Variants in ATF7IP2 observed in about 807,000 individuals in gnomAD.
ATF7IP2 encodes activating transcription factor 7 interacting protein 2, also known as activating transcription factor 7-interacting protein 2.
A neutral mutation model predicts 64.2 loss-of-function variants in ATF7IP2; 42 were observed. The ratio of observed to expected loss-of-function variants is 0.65; its 90% confidence interval spans 0.51 to 0.85. ATF7IP2 has a LOEUF of 0.85. Ranked by LOEUF, ATF7IP2 falls within the 40% of genes least tolerant of loss-of-function variation. ATF7IP2 has a pLI of 0.00. For synonymous variants in ATF7IP2, 308 were observed against 272.8 expected (o/e 1.13, Z -1.27); for missense variants, 933 against 784.2 (o/e 1.19, Z -2.27).
In ATF7IP2 at chr16:10,431,120, G is replaced by T. The variant is rs772038491; in HGVS notation, c.500G>T (p.Ser167Ile). Residue 167 changes from serine (S) to isoleucine (I), a missense_variant, in exon 5 of 14, where the codon AGT (serine) becomes ATT (isoleucine). Coordinates refer to ENST00000562102, the MANE Select transcript of ATF7IP2 (RefSeq NM_001393719.1). ...GAGGGGGCTTGTAGTCTAAAGTCCA[G>T]TTGCTGTCCACCCAGTGTATTGAGT... is the stretch of plus-strand genomic sequence containing the variant. ...EHEGACSLKS[S>I]CCPPSVLSGV... is the part of the protein sequence containing the mutation. 2 of 1,614,172 alleles carry T rather than the reference G, an allele frequency of 1.2e-6. No homozygotes were observed. Among genetic ancestry groups the T allele is most frequent in the Non-Finnish European group, 1.7e-6 (2 of 1,180,018 alleles).
chr16:10,471,098 G>A (rs761195968), intron 9 of ATF7IP2, among the ~76,000 whole-genome samples: 10 of 152,052 alleles, frequency 6.6e-5, no homozygotes, highest in Non-Finnish European at 1.3e-4. Context: ...AGGAAAAGAT[G>A]TTCTTTTCAA....
intron 6 of ATF7IP2, among the ~76,000 whole-genome samples, chr16:10,436,365 A>G (rs953318448): frequency 1.3e-5 from 2 of 150,790 alleles, no homozygotes; most frequent in Middle Eastern, 3.2e-3. Flanking sequence ...CTGTCCCAAA[A>G]AATATAATAG....
intron 9 of ATF7IP2, among the ~76,000 whole-genome samples, chr16:10,470,543 G>T (rs1012226693): frequency 1.3e-5 from 2 of 152,006 alleles, no homozygotes; most frequent in African/African-American, 4.8e-5. Context: ...CAGCATCTTG[G>T]GAGGCCAGGG....
chr16:10,440,848 C>G (rs572562748), intron 8 of ATF7IP2, among the ~76,000 whole-genome samples: 5 of 152,156 alleles, frequency 3.3e-5, no homozygotes, highest in Non-Finnish European at 7.4e-5. Context: ...TTTGTCAGAC[C>G]CATCAACCTG....
chr16:10,474,001 T>C lies in ATF7IP2; in HGVS notation c.1549+12T>C. ...CAACTGCAATACAGGTAAAAGGATTTTTTAGATCTTTCTTTTGTAAAAAGG... is the reference window on the plus strand; with the variant it reads ...CAACTGCAATACAGGTAAAAGGATTCTTTAGATCTTTCTTTTGTAAAAAGG... On this transcript the variant is annotated intron_variant, in intron 12 of 13. Transcript: ENST00000562102. 1 of 1,545,780 alleles carries C rather than the reference T, an allele frequency of 6.5e-7. No homozygotes were observed. The highest frequency in any genetic ancestry group is 8.9e-7 in the Non-Finnish European group (1 of 1,128,312).
At chr16:10,463,140 T>G (rs763373019) in intron 9 of ATF7IP2, among the ~76,000 whole-genome samples, 1 of 152,220 alleles carries the variant, frequency 6.6e-6, no homozygotes, top group Non-Finnish European at 1.5e-5. Flanking sequence ...GTGTTTGCTG[T>G]TTTACATCTT....
intron 12 of ATF7IP2, among the ~76,000 whole-genome samples, chr16:10,479,784 T>C (rs1027832841): frequency 6.6e-6 from 1 of 151,750 alleles, no homozygotes; most frequent in African/African-American, 2.4e-5. Context: ...AAAACCACAA[T>C]GAGATACCAT....
intron 5 of ATF7IP2, among the ~76,000 whole-genome samples, chr16:10,432,205 CAT>C (rs942265890): frequency 6.6e-6 from 1 of 151,924 alleles, no homozygotes; most frequent in Non-Finnish European, 1.5e-5. Context: ...TATATTCACA[CAT>C]GTGTATATGT....
intron 3 of ATF7IP2, among the ~76,000 whole-genome samples, chr16:10,425,152 G>A (rs773341929): frequency 4.7e-5 from 7 of 149,350 alleles, no homozygotes; most frequent in Admixed American, 6.8e-5. Flanking sequence ...TCTGCCTCCC[G>A]GGTTCAAGCG....
At chr16:10,422,943 C>T (rs956349612) in intron 3 of ATF7IP2, among the ~76,000 whole-genome samples, 1 of 152,162 alleles carries the variant, frequency 6.6e-6, no homozygotes, top group Non-Finnish European at 1.5e-5. Flanking sequence ...TACTTGCATT[C>T]CTTTTAAATT....
intron 9 of ATF7IP2, among the ~76,000 whole-genome samples, chr16:10,461,690 CAAG>C (rs996978878): frequency 6.6e-6 from 1 of 152,004 alleles, no homozygotes; most frequent in African/African-American, 2.4e-5. Flanking sequence ...AAGAGTAAAA[CAAG>C]GAGATTAGTA....
chr16:10,438,152 G>C lies in ATF7IP2; in HGVS notation c.1012G>C (p.Asp338His), dbSNP rs1468209860. Residue 338 changes from aspartate (D) to histidine (H), a missense_variant, in exon 7 of 14, where the codon GAT (aspartate) becomes CAT (histidine). Physicochemically the swap from Asp to His is moderately conservative, Grantham distance 81. Coordinates refer to ENST00000562102, the MANE Select transcript of ATF7IP2 (RefSeq NM_001393719.1). ...CTATAGCATAAATTATGAACTATTT[G>C]ATAAGAAACTGAAAGAATTGAACCA... ...EIYSINYELF[D>H]KKLKELNQRI... 1 of 1,601,258 alleles carries C rather than the reference G, an allele frequency of 6.2e-7. No individual in the cohort carries two copies. Among genetic ancestry groups the C allele is most frequent in the Admixed American group, 1.7e-5 (1 of 57,874 alleles).
At chr16:10,398,880 G>A (rs1469396602) in intron 1 of ATF7IP2, among the ~76,000 whole-genome samples, 4 of 152,114 alleles carry the variant, frequency 2.6e-5, no homozygotes, top group Non-Finnish European at 5.9e-5. Context: ...TTGGGAGGCC[G>A]AGGCAGGCAG....
chr16:10,393,315 C>CAA (rs58879332), intron 1 of ATF7IP2, among the ~76,000 whole-genome samples: 66 of 77,158 alleles, frequency 8.6e-4, no homozygotes, highest in Admixed American at 1.2e-3. Flanking sequence ...GACTCTGTCT[C>CAA]AAAAAAAAAA....
chr16:10,443,374 G>A (rs1175255676), intron 8 of ATF7IP2, among the ~76,000 whole-genome samples: 1 of 152,172 alleles, frequency 6.6e-6, no homozygotes, highest in East Asian at 1.9e-4. Context: ...AGCTTGGCAT[G>A]ACTTATTACC....
At chr16:10,450,442 G>A (rs991796815) in intron 8 of ATF7IP2, among the ~76,000 whole-genome samples, 4 of 152,188 alleles carry the variant, frequency 2.6e-5, no homozygotes, top group Admixed American at 1.3e-4. Context: ...ATTACTGTCT[G>A]AGAGTCTTAA....
intron 1 of ATF7IP2, among the ~76,000 whole-genome samples, chr16:10,410,040 T>C (rs1017573664): frequency 1.3e-5 from 2 of 152,246 alleles, no homozygotes; most frequent in African/African-American, 4.8e-5. Context: ...TTGCTTAGTC[T>C]TGCTTTGGTT....
intron 8 of ATF7IP2, chr16:10,454,386 G>A (rs1422353531): frequency 8.1e-6 from 1 of 123,594 alleles, no homozygotes; most frequent in African/African-American, 2.9e-5. Context: ...CTCCAGCCCA[G>A]TGACAGTGTG....
intron 8 of ATF7IP2, among the ~76,000 whole-genome samples, chr16:10,453,699 C>T (rs1172416786): frequency 1.3e-5 from 2 of 152,210 alleles, no homozygotes; most frequent in Non-Finnish European, 2.9e-5. Context: ...CTCATCGCAA[C>T]CTCCATCTCC....
Sources: gnomAD v4.1 joint callset for allele counts (sites outside exome capture counted in the v4.1 genomes callset) on GRCh38, gnomAD v4.1.1 for gene constraint, MANE v1.5 for transcripts, NCBI Gene and HGNC (gene_info 2026-07-23, HGNC 2026-07-21) for gene names.